The following ANKFN1 variants were observed in gnomAD, a reference collection of about 807,000 sequenced individuals.
ANKFN1 encodes the protein ankyrin repeat and fibronectin type-III domain-containing protein 1.
In ANKFN1, 74 loss-of-function variants were observed where a neutral mutation model predicts 108.7. The observed-to-expected ratio is 0.68, with a 90% CI of 0.56 to 0.83. The LOEUF (loss-of-function observed/expected upper bound fraction) is 0.83, where lower values mean the gene tolerates loss of function less well. Among genes scored for constraint, ANKFN1 ranks in the 40% least tolerant of loss-of-function variants. ANKFN1 has a pLI of 0.00. For synonymous variants in ANKFN1, 547 were observed against 516.2 expected, an observed-to-expected ratio of 1.06 and a Z score of -0.81; for missense variants, 1,505 against 1,382.3, an observed-to-expected ratio of 1.09 and a Z score of -1.41.
chr17:56,068,437 C>T (rs775228564), intron 4 of ANKFN1, among the ~76,000 whole-genome samples: 1 of 152,092 alleles, frequency 6.6e-6, no homozygotes, highest in Non-Finnish European at 1.5e-5. Flanking sequence ...AGTGGCTGCA[C>T]CTAGTGTGGC....
chr17:56,167,920 G>A (rs945851571), intron 1 of ANKFN1, among the ~76,000 whole-genome samples: 8 of 152,060 alleles, frequency 5.3e-5, no homozygotes, highest in African/African-American at 1.9e-4. Flanking sequence ...GAAAATGCAG[G>A]CTTCCACATA....
chr17:56,399,986 T>G (rs2047712180), intron 8 of ANKFN1, among the ~76,000 whole-genome samples: 1 of 150,664 alleles, frequency 6.6e-6, no homozygotes. Flanking sequence ...ACTTGTGGAT[T>G]GATGGGCATT....
chr17:56,449,156 C>A lies in ANKFN1; in HGVS notation c.1177C>A (p.Arg393=), dbSNP rs1354081314. ...TTTGGAAGGTCTGCTGCAGCAGGTC[C>A]GAGCCCTTCATCAGCATTACAGTTG... ...EVLEGLLQQV[R]ALHQHYSCRE... Residue 393 remains arginine, a synonymous_variant, in exon 11 of 21, where the codon CGA becomes AGA. Coordinates refer to ENST00000682825, the MANE Select transcript of ANKFN1 (RefSeq NM_001370326.1). The A allele has an allele frequency of 2.0e-5, 32 of 1,612,994 alleles. No homozygotes were observed. The highest frequency in any genetic ancestry group is 2.7e-5 in the Non-Finnish European group (32 of 1,179,552).
intron 3 of ANKFN1, among the ~76,000 whole-genome samples, chr17:56,268,558 G>T (rs1226918151): frequency 6.6e-6 from 1 of 152,146 alleles, no homozygotes; most frequent in Non-Finnish European, 1.5e-5. Context: ...AAGGCTGGCA[G>T]AAGAAAGGAA....
At chr17:56,147,825 G>A (rs1039687847) in intron 4 of ANKFN1, among the ~76,000 whole-genome samples, 69 of 152,294 alleles carry the variant, frequency 4.5e-4, no homozygotes, top group African/African-American at 1.6e-3. Flanking sequence ...AAACAGAGAG[G>A]TTATGGGAAT....
At chr17:56,046,280 C>G (rs1237257282) in exon 4 of ANKFN1, 3 of 158,654 alleles carry the variant, frequency 1.9e-5, no homozygotes, top group African/African-American at 7.2e-5. Flanking sequence ...GACTGGAGCC[C>G]GTGCACAGGC....
chr17:56,469,905 C>A (rs1192137342), intron 15 of ANKFN1, among the ~76,000 whole-genome samples: 2 of 152,054 alleles, frequency 1.3e-5, no homozygotes, highest in Non-Finnish European at 2.9e-5. Context: ...TTAAGCCCAG[C>A]ATGCATTAGC....
At chr17:56,251,555 G>T (rs1239154446) in intron 3 of ANKFN1, among the ~76,000 whole-genome samples, 1 of 152,298 alleles carries the variant, frequency 6.6e-6, no homozygotes, top group Non-Finnish European at 1.5e-5. Flanking sequence ...TTGTGAAGCA[G>T]CTAGCAGAGT....
At chr17:56,242,885 G>A (rs1239877428) in intron 3 of ANKFN1, among the ~76,000 whole-genome samples, 1 of 151,928 alleles carries the variant, frequency 6.6e-6, no homozygotes, top group African/African-American at 2.4e-5. Context: ...ACATGATTGT[G>A]TATTTAATTT....
intron 4 of ANKFN1, among the ~76,000 whole-genome samples, chr17:56,058,940 G>A (rs1450855372): frequency 6.6e-6 from 1 of 152,174 alleles, no homozygotes; most frequent in Admixed American, 6.5e-5. Context: ...AACCCTTTGG[G>A]TATAAACCAA....
intron 8 of ANKFN1, among the ~76,000 whole-genome samples, chr17:56,375,254 T>G (rs903351285): frequency 1.3e-5 from 2 of 152,094 alleles, no homozygotes; most frequent in Non-Finnish European, 2.9e-5. Context: ...GAAGGATAAG[T>G]AGGCTTTGGC....
chr17:56,381,334 G>T (rs538439552), intron 8 of ANKFN1, among the ~76,000 whole-genome samples: 1 of 152,172 alleles, frequency 6.6e-6, no homozygotes, highest in South Asian at 2.1e-4. Flanking sequence ...ACAAAAATGG[G>T]GAAAAAACAG....
chr17:56,443,021 C>T (rs2049163057), intron 10 of ANKFN1, 88 bp downstream of exon 10: 3 of 1,301,782 alleles, frequency 2.3e-6, no homozygotes, highest in Non-Finnish European at 1.1e-6. Flanking sequence ...TTCCCTTCCC[C>T]CACTGCTTGC....
Position 56,354,010 on chromosome 17 carries a change from A to G in ANKFN1, c.565A>G (p.Ile189Val). 1 of 1,613,984 alleles carries G rather than the reference A, an allele frequency of 6.2e-7. No individual in the cohort carries two copies. Among genetic ancestry groups the G allele is most frequent in the Middle Eastern group, 1.7e-4 (1 of 6,056 alleles). The stretch of plus-strand genomic sequence containing the variant: ...GACCAACAATGTGCCCATTGCAAGG[A>G]TTCTTCTGAGGACAGGGGCCCGAGA... The part of the protein sequence containing the change: ...IMTNNVPIAR[I>V]LLRTGARESP... Residue 189 changes from isoleucine (I) to valine (V), a missense_variant, in exon 6 of 21, where the codon ATT (isoleucine) becomes GTT (valine). Coordinates refer to ENST00000682825, the MANE Select transcript of ANKFN1 (RefSeq NM_001370326.1).
chr17:56,312,833 A>G (rs1040321965), intron 3 of ANKFN1, among the ~76,000 whole-genome samples: 3 of 152,228 alleles, frequency 2.0e-5, no homozygotes, highest in African/African-American at 7.2e-5. Flanking sequence ...TAAAGAAAGT[A>G]GTTACAAACT....
chr17:56,067,884 G>A (rs568507221), intron 4 of ANKFN1, among the ~76,000 whole-genome samples: 157 of 152,228 alleles, frequency 1.0e-3, no homozygotes, highest in Non-Finnish European at 1.6e-3. Context: ...AAAGACCTGG[G>A]CATCTAGAGA....
intron 20 of ANKFN1, 142 bp from the exon 21 acceptor site, chr17:56,510,331 A>G: frequency 2.8e-6 from 2 of 720,134 alleles, no homozygotes; most frequent in South Asian, 4.0e-5. Flanking sequence ...AAAATGTGTC[A>G]GCATTTCAGG....
intron 4 of ANKFN1, among the ~76,000 whole-genome samples, chr17:56,098,867 GCA>G (rs139682019): frequency 4.1e-5 from 4 of 98,660 alleles, no homozygotes; most frequent in Non-Finnish European, 8.2e-5. Context: ...GTGCGTGTGT[GCA>G]TGTGTGTGTG....
chr17:56,176,012 C>T (rs945577716), intron 1 of ANKFN1, among the ~76,000 whole-genome samples: 6 of 151,310 alleles, frequency 4.0e-5, no homozygotes, highest in Non-Finnish European at 7.4e-5. Context: ...TTATGATCTC[C>T]TAATTTAAAT....
Sources: allele counts gnomAD v4.1 joint callset (sites outside exome capture counted in the v4.1 genomes callset), GRCh38; gene constraint gnomAD v4.1.1; transcripts MANE v1.5; gene names NCBI Gene and HGNC (gene_info 2026-07-23, HGNC 2026-07-21).